The following STRIT1 variants were observed in gnomAD, a reference collection of about 807,000 sequenced individuals.
STRIT1 encodes small transmembrane regulator of ion transport 1.
chr3:155,293,526 G>GAT lies in STRIT1; in HGVS notation c.13+93_13+94insAT, dbSNP rs1715686776. On this transcript the variant is annotated intron_variant, in intron 1 of 2. Transcript: ENST00000489090. Reference sequence around the variant, plus strand: ...TTTAGCATAGATATCACATTTTTTAGAGTGACTGGGAAACACCAAGAAACA... The same window carrying GAT: ...TTTAGCATAGATATCACATTTTTTAGATAGTGACTGGGAAACACCAAGAAACA... The GAT allele has an allele frequency of 2.8e-5, 11 of 396,888 alleles. No individual in the cohort carries two copies. The South Asian group carries it at 1.4e-3, about 52-fold the overall frequency. The allele number at this position is 396,888 out of a possible 1,614,324, so 24.6% of individuals were successfully genotyped here. A position where few individuals can be genotyped will look rare whatever the true frequency, so the allele number is the denominator to read the frequency against.
At chr3:155,291,098 G>T in intron 1 of STRIT1, 60 bp from the exon 2 acceptor site, 1 of 397,674 alleles carries the variant, frequency 2.5e-6, no homozygotes, top group Non-Finnish European at 4.4e-6. Context: ...AATTTTCTGT[G>T]TCAAGAGAAT....
At chr3:155,291,504 T>C (rs1429857217) in intron 1 of STRIT1, among the ~76,000 whole-genome samples, 1 of 152,142 alleles carries the variant, frequency 6.6e-6, no homozygotes, top group Non-Finnish European at 1.5e-5. Flanking sequence ...CCCACTAAAG[T>C]AAATAATTAT....
At chr3:155,292,871 C>G (rs1715667815) in intron 1 of STRIT1, among the ~76,000 whole-genome samples, 1 of 152,084 alleles carries the variant, frequency 6.6e-6, no homozygotes, top group Admixed American at 6.6e-5. Flanking sequence ...GGACACTGTG[C>G]TCTGGAAAAG....
At position 155,291,006 on chromosome 3, in the gene STRIT1, T is replaced by C; in HGVS notation, c.46A>G (p.Ile16Val). Residue 16 changes from isoleucine to valine, a missense_variant, in exon 2 of 3, where the codon ATT (isoleucine) becomes GTT (valine). Coordinates refer to ENST00000489090, the MANE Select transcript of STRIT1 (RefSeq NM_001352129.2). The part of the protein sequence containing the change: ...GSTFSHLLVP[I>V]LLLIGWIVGC... ...ACAATCCAGCCAATCAGGAGAAGAA[T>C]AGGAACCAGAAGGTGTGAAAATGTA... 1 of 398,650 alleles carries C rather than the reference T, an allele frequency of 2.5e-6. No homozygotes were observed. Among genetic ancestry groups the C allele is most frequent in the East Asian group, 3.6e-5 (1 of 27,996 alleles). The allele number at this position is 398,650 out of a possible 1,614,324, so 24.7% of individuals were successfully genotyped here.
At position 155,290,960 on chromosome 3, in the gene STRIT1, T is replaced by A; in HGVS notation, c.92A>T (p.Tyr31Phe). The A allele has an allele frequency of 2.5e-6, 1 of 398,584 alleles. No homozygotes were observed. The allele number at this position is 398,584 out of a possible 1,614,324, so 24.7% of individuals were successfully genotyped here. Residue 31 changes from tyrosine to phenylalanine, a missense_variant, in exon 2 of 3, where the codon TAT becomes TTT. Physicochemically the swap from Tyr to Phe is conservative, Grantham distance 22. Coordinates refer to ENST00000489090, the MANE Select transcript of STRIT1 (RefSeq NM_001352129.2). ...CTTACCTTTCTAAGAGAAGACAACATAAATCATTATGATGCAGCCCACAAT... is the reference window on the plus strand; with the variant it reads ...CTTACCTTTCTAAGAGAAGACAACAAAAATCATTATGATGCAGCCCACAAT... The part of the protein sequence containing the change: ...GWIVGCIIMI[Y>F]VVFS
intron 1 of STRIT1, among the ~76,000 whole-genome samples, chr3:155,291,787 C>T (rs1715645950): frequency 6.6e-6 from 1 of 152,104 alleles, no homozygotes; most frequent in Non-Finnish European, 1.5e-5. Flanking sequence ...GCAATTTATA[C>T]AAGTATCTTT....
chr3:155,290,641 T>C lies in STRIT1; in HGVS notation c.*210A>G. ...ATGCATTTTTCATCACAGCTAAACA[T>C]TTTTCTCACTCAGAATATAGAGAAA... On this transcript the variant is annotated 3_prime_UTR_variant, in exon 3 of 3. Coordinates refer to ENST00000489090, the MANE Select transcript of STRIT1 (RefSeq NM_001352129.2). 1 of 205,562 alleles carries C rather than the reference T, an allele frequency of 4.9e-6. No individual in the cohort carries two copies. The highest frequency in any genetic ancestry group is 9.6e-6 in the Non-Finnish European group (1 of 103,694). 12.7% of individuals were successfully genotyped at this position (205,562 alleles called of 1,614,324 possible). A position where few individuals can be genotyped will look rare whatever the true frequency, so the allele number is the denominator to read the frequency against.
At chr3:155,291,261 T>C in intron 1 of STRIT1, 1 of 336,556 alleles carries the variant, frequency 3.0e-6, no homozygotes, top group Non-Finnish European at 5.3e-6. Flanking sequence ...TATGTGACCT[T>C]TGGCAATTCT....
intron 1 of STRIT1, among the ~76,000 whole-genome samples, chr3:155,292,098 G>A (rs1450308451): frequency 2.0e-5 from 3 of 152,052 alleles, no homozygotes; most frequent in African/African-American, 2.4e-5. Context: ...ATCATCAGGA[G>A]ATGAGACACA....
At position 155,290,962 on chromosome 3, in the gene STRIT1, A is replaced by G. The variant is rs1037172196; in HGVS notation, c.90T>C (p.Ile30=). 4.3e-5 allele frequency: 17 copies of G among 398,602 alleles called. No homozygotes were observed. Among genetic ancestry groups the G allele is most frequent in the African/African-American group, 2.7e-4 (13 of 48,622 alleles). The allele number at this position is 398,602 out of a possible 1,614,324, so 24.7% of individuals were successfully genotyped here. Residue 30 remains isoleucine, a synonymous_variant, in exon 2 of 3, where the codon ATT becomes ATC. Coordinates refer to ENST00000489090, the MANE Select transcript of STRIT1 (RefSeq NM_001352129.2). The part of the protein sequence containing the change: ...IGWIVGCIIM[I]YVVFS ...TACCTTTCTAAGAGAAGACAACATA[A>G]ATCATTATGATGCAGCCCACAATCC... is the stretch of plus-strand genomic sequence containing the variant.
intron 1 of STRIT1, among the ~76,000 whole-genome samples, chr3:155,292,977 G>A (rs951228410): frequency 1.3e-5 from 2 of 152,080 alleles, no homozygotes; most frequent in African/African-American, 4.8e-5. Flanking sequence ...ATAAAATGGG[G>A]ATGATGATGA....
intron 1 of STRIT1, among the ~76,000 whole-genome samples, chr3:155,292,400 A>G (rs116459680): frequency 0.014 from 2,065 of 152,268 alleles, 42 homozygotes; most frequent in African/African-American, 0.047. Flanking sequence ...GTACCATTAC[A>G]ATGGAAGTAC....
At chr3:155,291,762 T>G (rs1459580734) in intron 1 of STRIT1, among the ~76,000 whole-genome samples, 2 of 152,168 alleles carry the variant, frequency 1.3e-5, no homozygotes, top group Admixed American at 6.6e-5. Flanking sequence ...CTATTTGTAC[T>G]CTTACCTGTA....
chr3:155,293,580 T>C, intron 1 of STRIT1, 40 bp downstream of exon 1: 1 of 397,148 alleles, frequency 2.5e-6, no homozygotes, highest in Non-Finnish European at 4.4e-6. Flanking sequence ...GAAGCCTTTT[T>C]TTTTTTTTTG....
At chr3:155,293,533 T>C in intron 1 of STRIT1, 87 bp downstream of exon 1, 1 of 397,614 alleles carries the variant, frequency 2.5e-6, no homozygotes, top group Non-Finnish European at 4.4e-6. Flanking sequence ...TTAGAGTGAC[T>C]GGGAAACACC....
chr3:155,291,947 A>G (rs1715648846), intron 1 of STRIT1, among the ~76,000 whole-genome samples: 1 of 152,198 alleles, frequency 6.6e-6, no homozygotes, highest in Non-Finnish European at 1.5e-5. Context: ...TTAAGGACTC[A>G]GATATATTCT....
At chr3:155,291,136 A>G (rs1715624779) in intron 1 of STRIT1, 98 bp from the exon 2 acceptor site, 2 of 395,492 alleles carry the variant, frequency 5.1e-6, no homozygotes, top group African/African-American at 4.1e-5. Context: ...ATTAAGAAAA[A>G]AGCATACACT....
chr3:155,293,259 T>C (rs1474534566), intron 1 of STRIT1, among the ~76,000 whole-genome samples: 3 of 152,152 alleles, frequency 2.0e-5, no homozygotes, highest in Non-Finnish European at 4.4e-5. Flanking sequence ...TAGGGACTTC[T>C]GCAAACTCAC....
chr3:155,290,886 T>A, intron 2 of STRIT1, 40 bp from the exon 3 acceptor site: 1 of 397,940 alleles, frequency 2.5e-6, no homozygotes, highest in Non-Finnish European at 4.4e-6. Flanking sequence ...TAGAAAAGAT[T>A]GTTTCTGGAG....
Sources: gnomAD v4.1 joint callset for allele counts (sites outside exome capture counted in the v4.1 genomes callset) on GRCh38, gnomAD v4.1.1 for gene constraint, MANE v1.5 for transcripts, NCBI Gene and HGNC (gene_info 2026-07-23, HGNC 2026-07-21) for gene names.